LHFPL3: variants seen among roughly 807,000 people sequenced by gnomAD.
LHFPL3 encodes LHFPL tetraspan subfamily member 3 protein.
Under a neutral mutation model 19.3 loss-of-function variants are expected in LHFPL3, and 5 were observed. That is an observed-to-expected ratio of 0.26 (90% CI 0.14 to 0.54). The LOEUF (loss-of-function observed/expected upper bound fraction) is 0.54, where lower values mean the gene tolerates loss of function less well. LHFPL3 is among the 20% of genes least tolerant of loss of function. The probability of loss-of-function intolerance (pLI) is 0.94; values close to 1 mark genes in which losing one functional copy is unlikely to be tolerated. For missense variants in LHFPL3, 249 were observed against 307.4 expected, an observed-to-expected ratio of 0.81 and a Z score of 1.42; for synonymous variants, 133 against 126.2, an observed-to-expected ratio of 1.05 and a Z score of -0.36.
chr7:104,378,740 G>T (rs1032358937), intron 1 of LHFPL3, among the ~76,000 whole-genome samples: 1 of 152,090 alleles, frequency 6.6e-6, no homozygotes, highest in Non-Finnish European at 1.5e-5. Flanking sequence ...TTTGTCTTAT[G>T]ACTAGTGATG....
chr7:104,625,493 G>A (rs1485977451), intron 1 of LHFPL3, among the ~76,000 whole-genome samples: 1 of 152,164 alleles, frequency 6.6e-6, no homozygotes, highest in Admixed American at 6.5e-5. Context: ...AGGGAGAAAA[G>A]TAACACTTGG....
At chr7:104,442,095 C>T (rs893591064) in intron 1 of LHFPL3, among the ~76,000 whole-genome samples, 1 of 151,530 alleles carries the variant, frequency 6.6e-6, no homozygotes, top group Non-Finnish European at 1.5e-5. Context: ...GCCATTCTAA[C>T]AGGTGTGAGG....
chr7:104,440,411 T>C (rs1431836146), intron 1 of LHFPL3, among the ~76,000 whole-genome samples: 1 of 147,668 alleles, frequency 6.8e-6, no homozygotes, highest in African/African-American at 2.5e-5. Flanking sequence ...CCGGGGCCTG[T>C]CGTGGGGTGG....
chr7:104,722,374 C>T (rs1340545082), intron 1 of LHFPL3, among the ~76,000 whole-genome samples: 1 of 152,094 alleles, frequency 6.6e-6, no homozygotes, highest in Admixed American at 6.6e-5. Context: ...TTTTAAGAGC[C>T]CTGTGTTTAT....
chr7:104,467,674 T>G (rs1160418703), intron 1 of LHFPL3, among the ~76,000 whole-genome samples: 2 of 152,210 alleles, frequency 1.3e-5, no homozygotes, highest in Non-Finnish European at 2.9e-5. Context: ...TGGATTAATT[T>G]CTCCTCATCC....
chr7:104,701,796 TC>T (rs1215071837), intron 1 of LHFPL3, among the ~76,000 whole-genome samples: 4 of 152,230 alleles, frequency 2.6e-5, no homozygotes, highest in African/African-American at 9.6e-5. Flanking sequence ...ATTATTTCAG[TC>T]GAAAAATTTG....
At chr7:104,493,137 G>T (rs73179961) in intron 1 of LHFPL3, among the ~76,000 whole-genome samples, 16,418 of 152,082 alleles carry the variant, frequency 0.11, 932 homozygotes, top group Non-Finnish European at 0.12. Flanking sequence ...GGATCTCAAA[G>T]GTTGCTAATT....
chr7:104,669,016 C>G (rs1012514443), intron 1 of LHFPL3: 2 of 1,612,104 alleles, frequency 1.2e-6, no homozygotes, highest in Non-Finnish European at 1.7e-6. Context: ...TGAGTCATCA[C>G]AGACTGGGAC....
chr7:104,710,235 A>C (rs897287414), intron 1 of LHFPL3, among the ~76,000 whole-genome samples: 1 of 152,238 alleles, frequency 6.6e-6, no homozygotes, highest in African/African-American at 2.4e-5. Flanking sequence ...CTTAAAGTTC[A>C]TGGGAACTTT....
chr7:104,632,207 T>C (rs1384615085), intron 1 of LHFPL3, among the ~76,000 whole-genome samples: 1 of 152,190 alleles, frequency 6.6e-6, no homozygotes, highest in Non-Finnish European at 1.5e-5. Context: ...TTAGGAAGAA[T>C]ACAATTAAGA....
intron 2 of LHFPL3, among the ~76,000 whole-genome samples, chr7:104,890,997 G>A (rs528519092): frequency 1.3e-4 from 20 of 151,972 alleles, no homozygotes; most frequent in African/African-American, 4.8e-4. Context: ...CCATAGTAGA[G>A]AATTTCTGTT....
At chr7:104,899,104 A>AATATATATATAT (rs34311079) in intron 2 of LHFPL3, among the ~76,000 whole-genome samples, 3 of 148,626 alleles carry the variant, frequency 2.0e-5, no homozygotes, top group African/African-American at 7.4e-5. Context: ...CCCCATCTCT[A>AATATATATATAT]ATATATATAT....
chr7:104,527,570 C>G (rs1464571760), intron 1 of LHFPL3, among the ~76,000 whole-genome samples: 1 of 152,036 alleles, frequency 6.6e-6, no homozygotes, highest in African/African-American at 2.4e-5. Context: ...TGAGAAAAAG[C>G]CTTCAAATTG....
intron 1 of LHFPL3, among the ~76,000 whole-genome samples, chr7:104,532,838 A>C (rs1584385290): frequency 6.6e-6 from 1 of 152,204 alleles, no homozygotes; most frequent in Non-Finnish European, 1.5e-5. Context: ...GCACTGGTAA[A>C]ACAAACAAAA....
At chr7:104,365,339 A>G (rs942353223) in intron 1 of LHFPL3, among the ~76,000 whole-genome samples, 1 of 152,100 alleles carries the variant, frequency 6.6e-6, no homozygotes, top group South Asian at 2.1e-4. Context: ...AGGAGGTGGG[A>G]GCGAGTGGTA....
At chr7:104,889,159 T>C (rs535714008) in intron 2 of LHFPL3, among the ~76,000 whole-genome samples, 1 of 152,308 alleles carries the variant, frequency 6.6e-6, no homozygotes, top group African/African-American at 2.4e-5. Flanking sequence ...TGTCTAAAAT[T>C]GATAAATGCA....
intron 2 of LHFPL3, among the ~76,000 whole-genome samples, chr7:104,755,543 C>G (rs1468761845): frequency 6.6e-6 from 1 of 151,508 alleles, no homozygotes; most frequent in Non-Finnish European, 1.5e-5. Flanking sequence ...GTCTGTCTCT[C>G]TCTCTGTCTC....
At chr7:104,353,628 G>A (rs534206333) in intron 1 of LHFPL3, among the ~76,000 whole-genome samples, 4 of 152,344 alleles carry the variant, frequency 2.6e-5, no homozygotes, top group Non-Finnish European at 4.4e-5. Flanking sequence ...TTAACCTGAA[G>A]TTAAATAAGC....
intron 2 of LHFPL3, among the ~76,000 whole-genome samples, chr7:104,875,660 C>T (rs1022639285): frequency 6.6e-6 from 1 of 152,138 alleles, no homozygotes; most frequent in Non-Finnish European, 1.5e-5. Flanking sequence ...CCTTAACAAG[C>T]CTCTTTAGAA....
Sources: gnomAD v4.1 joint callset for allele counts (sites outside exome capture counted in the v4.1 genomes callset) on GRCh38, gnomAD v4.1.1 for gene constraint, MANE v1.5 for transcripts, NCBI Gene and HGNC (gene_info 2026-07-23, HGNC 2026-07-21) for gene names.